Variants in STAG1 observed in about 807,000 individuals in gnomAD.
STAG1 encodes cohesin subunit SA-1.
In STAG1, 26 loss-of-function variants were observed where a neutral mutation model predicts 170.9. That is an observed-to-expected ratio of 0.15 (90% CI 0.11 to 0.21). The LOEUF (loss-of-function observed/expected upper bound fraction) is 0.21. STAG1 is among the 10% of genes least tolerant of loss of function. The pLI is 1.00. For synonymous variants in STAG1, 514 were observed against 497.7 expected, an observed-to-expected ratio of 1.03 and a Z score of -0.44; for missense variants, 964 against 1,509.5, an observed-to-expected ratio of 0.64 and a Z score of 5.99.
intron 13 of STAG1, among the ~76,000 whole-genome samples, chr3:136,454,407 C>G (rs1254158908): frequency 6.6e-6 from 1 of 150,962 alleles, no homozygotes; most frequent in Non-Finnish European, 1.5e-5. Context: ...GAGATGAAGT[C>G]TCACTCTGTC....
chr3:136,578,462 T>C (rs1321765753), intron 4 of STAG1, among the ~76,000 whole-genome samples: 3 of 152,242 alleles, frequency 2.0e-5, no homozygotes, highest in Non-Finnish European at 2.9e-5. Context: ...TGGAGAGTTA[T>C]GGACTCTCAC....
intron 21 of STAG1, among the ~76,000 whole-genome samples, chr3:136,412,612 AT>A (rs1229112582): frequency 6.6e-6 from 1 of 152,180 alleles, no homozygotes; most frequent in Non-Finnish European, 1.5e-5. Flanking sequence ...ACAAAATATC[AT>A]TTATGTAGTA....
At chr3:136,646,182 A>C (rs888156104) in intron 1 of STAG1, among the ~76,000 whole-genome samples, 1 of 152,094 alleles carries the variant, frequency 6.6e-6, no homozygotes, top group Non-Finnish European at 1.5e-5. Flanking sequence ...CACATGAATG[A>C]TTACCTAAAC....
intron 13 of STAG1, among the ~76,000 whole-genome samples, chr3:136,457,167 G>C (rs928304649): frequency 6.6e-6 from 1 of 152,106 alleles, no homozygotes; most frequent in Non-Finnish European, 1.5e-5. Flanking sequence ...CTGTGCCAAA[G>C]GGTGGAAGGC....
At chr3:136,564,731 T>C (rs1472327220) in intron 5 of STAG1, among the ~76,000 whole-genome samples, 1 of 151,900 alleles carries the variant, frequency 6.6e-6, no homozygotes, top group Non-Finnish European at 1.5e-5. Context: ...GGGCAAAGGA[T>C]AGGAACAAAG....
At chr3:136,732,250 A>C (rs1375144766) in intron 1 of STAG1, among the ~76,000 whole-genome samples, 1 of 151,608 alleles carries the variant, frequency 6.6e-6, no homozygotes, top group African/African-American at 2.4e-5. Flanking sequence ...AAAAAAAAAA[A>C]AAAAAAAAAC....
chr3:136,382,561 C>T (rs919949859), intron 22 of STAG1, among the ~76,000 whole-genome samples: 1 of 151,978 alleles, frequency 6.6e-6, no homozygotes, highest in African/African-American at 2.4e-5. Context: ...CACTGCCACG[C>T]CCAGCTACTA....
intron 29 of STAG1, among the ~76,000 whole-genome samples, chr3:136,345,044 AG>A (rs1560046619): frequency 6.6e-6 from 1 of 152,162 alleles, no homozygotes; most frequent in African/African-American, 2.4e-5. Flanking sequence ...TAAGTTTTCC[AG>A]GGGCTACGAA....
intron 6 of STAG1, among the ~76,000 whole-genome samples, chr3:136,530,904 G>A (rs181755624): frequency 8.5e-5 from 13 of 152,192 alleles, no homozygotes; most frequent in Admixed American, 6.5e-4. Flanking sequence ...TCAGGAGTTC[G>A]AGATCAGCCT....
chr3:136,652,606 C>A (rs1483021331), intron 1 of STAG1, among the ~76,000 whole-genome samples: 2 of 152,028 alleles, frequency 1.3e-5, no homozygotes, highest in East Asian at 3.8e-4. Flanking sequence ...AAGGAAGAGA[C>A]CAGATCATCT....
At chr3:136,566,284 C>A (rs1293177434) in intron 5 of STAG1, among the ~76,000 whole-genome samples, 1 of 152,146 alleles carries the variant, frequency 6.6e-6, no homozygotes, top group South Asian at 2.1e-4. Context: ...ACGCTCTCAA[C>A]CCTCTTTTTG....
At chr3:136,514,147 G>A (rs1407121019) in intron 7 of STAG1, among the ~76,000 whole-genome samples, 1 of 152,136 alleles carries the variant, frequency 6.6e-6, no homozygotes, top group African/African-American at 2.4e-5. Flanking sequence ...ATATTCTAGT[G>A]TACAATATGA....
intron 3 of STAG1, among the ~76,000 whole-genome samples, chr3:136,617,269 T>C (rs1939644030): frequency 6.6e-6 from 1 of 152,152 alleles, no homozygotes; most frequent in South Asian, 2.1e-4. Context: ...CAGGGGAAAT[T>C]GAGAGGCCCT....
chr3:136,575,811 C>T (rs1937436458), intron 4 of STAG1, among the ~76,000 whole-genome samples: 1 of 152,182 alleles, frequency 6.6e-6, no homozygotes, highest in Non-Finnish European at 1.5e-5. Flanking sequence ...CATATCATTT[C>T]AGCTAATATT....
At chr3:136,690,279 C>T (rs1168820260) in intron 1 of STAG1, among the ~76,000 whole-genome samples, 1 of 152,130 alleles carries the variant, frequency 6.6e-6, no homozygotes, top group East Asian at 1.9e-4. Context: ...CTCTGTTGCC[C>T]AGGCTGGAGT....
chr3:136,544,231 T>C (rs897527284), intron 5 of STAG1, among the ~76,000 whole-genome samples: 2 of 152,126 alleles, frequency 1.3e-5, no homozygotes, highest in African/African-American at 4.8e-5. Flanking sequence ...CAAACTTTCT[T>C]ATCCTCATAT....
At chr3:136,400,211 C>A (rs566010598) in intron 21 of STAG1, among the ~76,000 whole-genome samples, 1 of 151,752 alleles carries the variant, frequency 6.6e-6, no homozygotes, top group Non-Finnish European at 1.5e-5. Flanking sequence ...GTCTGAGCCA[C>A]GGTAACCAAT....
At chr3:136,565,943 T>C (rs1937060962) in intron 5 of STAG1, among the ~76,000 whole-genome samples, 1 of 152,212 alleles carries the variant, frequency 6.6e-6, no homozygotes, top group Admixed American at 6.5e-5. Flanking sequence ...ACATATGGTG[T>C]GGTTCCTTTT....
intron 7 of STAG1, among the ~76,000 whole-genome samples, chr3:136,516,976 T>C (rs1934409792): frequency 6.6e-6 from 1 of 152,226 alleles, no homozygotes; most frequent in Non-Finnish European, 1.5e-5. Flanking sequence ...GACTTCAATT[T>C]TCTGAGGCAA....
Sources: allele counts gnomAD v4.1 joint callset (sites outside exome capture counted in the v4.1 genomes callset), GRCh38; gene constraint gnomAD v4.1.1; transcripts MANE v1.5; gene names NCBI Gene and HGNC (gene_info 2026-07-23, HGNC 2026-07-21).